Variants in ACOXL observed in about 807,000 individuals in gnomAD.
The protein encoded by ACOXL is acyl-coenzyme A oxidase-like protein.
Under a neutral mutation model 71.9 loss-of-function variants are expected in ACOXL, and 70 were observed. The ratio of observed to expected loss-of-function variants is 0.97; its 90% CI spans 0.80 to 1.19. The LOEUF is 1.19. Among genes scored for constraint, ACOXL ranks in the 50% most tolerant of loss-of-function variants. The probability of loss-of-function intolerance (pLI) is 0.00; values close to 1 mark genes in which losing one functional copy is unlikely to be tolerated. For synonymous variants in ACOXL, 253 were observed against 281.6 expected, an observed-to-expected ratio of 0.90 and a Z score of 1.02; for missense variants, 703 against 736.3, an observed-to-expected ratio of 0.95 and a Z score of 0.52.
intron 12 of ACOXL, among the ~76,000 whole-genome samples, chr2:110,973,565 C>T (rs2062310722): frequency 6.6e-6 from 1 of 152,164 alleles, no homozygotes; most frequent in Non-Finnish European, 1.5e-5. Flanking sequence ...TTCCCAGACT[C>T]CAGAACTGTG....
At chr2:111,067,752 A>G (rs2067142026) in intron 16 of ACOXL, among the ~76,000 whole-genome samples, 1 of 152,258 alleles carries the variant, frequency 6.6e-6, no homozygotes, top group African/African-American at 2.4e-5. Flanking sequence ...TCAAAGTAAC[A>G]AACCAAAGTA....
chr2:111,030,271 C>T lies in ACOXL; in HGVS notation c.1282-1356C>T, dbSNP rs74821723. Among the ~76,000 whole-genome samples the T allele has an allele frequency of 2.5e-3, 378 of 152,298 alleles. 1 individual carries two copies. Among genetic ancestry groups the T allele is most frequent in the African/African-American group, 8.4e-3 (350 of 41,566 alleles). ...CAGAAGTGTCTGGCCAGCTCTTGTC[C>T]TCCCCCTGCCAAGATGTTCTGCTGC... On this transcript the variant is annotated intron_variant, in intron 14 of 17. Coordinates refer to ENST00000439055, the MANE Select transcript of ACOXL (RefSeq NM_001142807.4).
chr2:110,985,337 C>T (rs987559037), intron 12 of ACOXL, among the ~76,000 whole-genome samples: 1 of 152,056 alleles, frequency 6.6e-6, no homozygotes, highest in Non-Finnish European at 1.5e-5. Flanking sequence ...GACCTAATGC[C>T]CTCTTTTTGA....
intron 11 of ACOXL, among the ~76,000 whole-genome samples, chr2:110,925,130 G>C (rs2060222585): frequency 6.6e-6 from 1 of 152,238 alleles, no homozygotes; most frequent in Non-Finnish European, 1.5e-5. Context: ...ACTGTAAACA[G>C]ATGTGCTATC....
At chr2:110,799,710 TA>T (rs1055075013) in intron 7 of ACOXL, among the ~76,000 whole-genome samples, 6 of 152,136 alleles carry the variant, frequency 3.9e-5, no homozygotes, top group Non-Finnish European at 7.4e-5. Context: ...AAGAGGATTG[TA>T]AAATGCACCA....
chr2:110,860,400 T>G (rs1230642149), intron 10 of ACOXL, among the ~76,000 whole-genome samples: 1 of 152,214 alleles, frequency 6.6e-6, no homozygotes, highest in Non-Finnish European at 1.5e-5. Context: ...ATTACAGGCA[T>G]GAGCCACCGC....
chr2:110,820,080 G>A (rs1405069946), intron 9 of ACOXL, among the ~76,000 whole-genome samples: 3 of 152,150 alleles, frequency 2.0e-5, no homozygotes, highest in East Asian at 1.9e-4. Flanking sequence ...CCGTGTGGTC[G>A]TGGTTATTTC....
intron 11 of ACOXL, among the ~76,000 whole-genome samples, chr2:110,909,776 A>G (rs2059585931): frequency 6.6e-6 from 1 of 150,906 alleles, no homozygotes; most frequent in Non-Finnish European, 1.5e-5. Context: ...CGTCGCTGGC[A>G]TGGCGGGGAG....
At chr2:110,830,570 G>A (rs1290052857) in intron 9 of ACOXL, among the ~76,000 whole-genome samples, 4 of 150,334 alleles carry the variant, frequency 2.7e-5, no homozygotes, top group Non-Finnish European at 5.9e-5. Context: ...GTCTTGGTTT[G>A]TGCCCCAGGC....
At chr2:110,982,369 CCTT>C (rs2062746375) in intron 12 of ACOXL, among the ~76,000 whole-genome samples, 1 of 152,078 alleles carries the variant, frequency 6.6e-6, no homozygotes, top group South Asian at 2.1e-4. Flanking sequence ...TCTCCCCGCT[CCTT>C]CTCCTCTCGT....
intron 12 of ACOXL, among the ~76,000 whole-genome samples, chr2:110,973,115 G>A (rs2149493322): frequency 6.6e-6 from 1 of 152,300 alleles, no homozygotes; most frequent in Admixed American, 6.5e-5. Flanking sequence ...TAAAGCATAT[G>A]CCCATCCTGA....
chr2:111,042,659 G>T (rs2065839440), intron 15 of ACOXL, among the ~76,000 whole-genome samples: 3 of 152,224 alleles, frequency 2.0e-5, no homozygotes, highest in Non-Finnish European at 4.4e-5. Context: ...AGTGGGCCAG[G>T]GTGGGTCGTG....
chr2:111,055,673 G>A (rs1357372618), intron 16 of ACOXL, among the ~76,000 whole-genome samples: 1 of 152,238 alleles, frequency 6.6e-6, no homozygotes, highest in Non-Finnish European at 1.5e-5. Flanking sequence ...CTGGGGCTGG[G>A]AATGGGATTG....
chr2:110,794,315 A>C (rs1199399992), intron 5 of ACOXL, 141 bp downstream of exon 5: 6 of 772,042 alleles, frequency 7.8e-6, no homozygotes, highest in Non-Finnish European at 1.3e-5. Flanking sequence ...CAAATGCCTA[A>C]GTGTTTTAAT....
intron 14 of ACOXL, among the ~76,000 whole-genome samples, chr2:111,009,005 A>T (rs752552249): frequency 6.6e-6 from 1 of 152,174 alleles, no homozygotes; most frequent in Non-Finnish European, 1.5e-5. Flanking sequence ...GCCTTTTGTC[A>T]TATTGAAAAA....
At chr2:110,894,455 C>CT (rs2058923838) in intron 10 of ACOXL, among the ~76,000 whole-genome samples, 1 of 151,986 alleles carries the variant, frequency 6.6e-6, no homozygotes, top group South Asian at 2.1e-4. Context: ...ACCAAAAAAA[C>CT]TGGTGTCCCA....
chr2:111,082,375 G>GA (rs1290968136), intron 16 of ACOXL, among the ~76,000 whole-genome samples: 1 of 150,494 alleles, frequency 6.6e-6, no homozygotes, highest in Non-Finnish European at 1.5e-5. Flanking sequence ...GATATGCATA[G>GA]ACACTTCTCA....
intron 10 of ACOXL, among the ~76,000 whole-genome samples, chr2:110,877,408 G>A (rs1326875043): frequency 6.6e-6 from 1 of 152,244 alleles, no homozygotes; most frequent in African/African-American, 2.4e-5. Context: ...TTGCTTTCTA[G>A]ATGTTTTTAG....
chr2:110,821,740 G>T (rs773156949), intron 9 of ACOXL, among the ~76,000 whole-genome samples: 3 of 152,114 alleles, frequency 2.0e-5, no homozygotes, highest in Non-Finnish European at 4.4e-5. Context: ...GAATTCTTTT[G>T]CATGGGAAAT....
Sources: gnomAD v4.1 joint callset for allele counts (sites outside exome capture counted in the v4.1 genomes callset) on GRCh38, gnomAD v4.1.1 for gene constraint, MANE v1.5 for transcripts, NCBI Gene and HGNC (gene_info 2026-07-23, HGNC 2026-07-21) for gene names.